The following GFPT1 variants were observed in gnomAD, a reference collection of about 807,000 sequenced individuals.
GFPT1 encodes the protein glutamine--fructose-6-phosphate aminotransferase [isomerizing] 1.
Under a neutral mutation model 92.0 loss-of-function variants are expected in GFPT1, and 40 were observed. The observed-to-expected ratio is 0.43, with a 90% CI of 0.34 to 0.57. GFPT1 has a LOEUF of 0.57. Among genes scored for constraint, GFPT1 ranks in the 20% least tolerant of loss-of-function variants. The pLI, the probability that GFPT1 is intolerant of heterozygous loss-of-function variation, is 0.02. For synonymous variants in GFPT1, 269 were observed against 280.6 expected (o/e 0.96, Z 0.41); for missense variants, 448 against 869.1 (o/e 0.52, Z 6.09).
rs886056239 is a variant in GFPT1, at chr2:69,322,610, A to G, written c.*3579T>C. 2 of 152,238 alleles carry G rather than the reference A, an allele frequency of 1.3e-5. No homozygotes were observed. Among genetic ancestry groups the G allele is most frequent in the East Asian group, 1.9e-4 (1 of 5,204 alleles). 9.4% of individuals were successfully genotyped at this position (152,238 alleles called of 1,614,324 possible). The stretch of plus-strand genomic sequence containing the variant: ...GATCTGTATTCAAAAAGATAAAACA[A>G]TCTCATCTCAGTAACTACCTCCTAT... On this transcript the variant is annotated 3_prime_UTR_variant, in exon 20 of 20. Transcript: ENST00000357308.
At chr2:69,369,542 A>T (rs909886810) in intron 3 of GFPT1, among the ~76,000 whole-genome samples, 4 of 152,244 alleles carry the variant, frequency 2.6e-5, no homozygotes, top group Non-Finnish European at 2.9e-5. Flanking sequence ...ACTGTGAGGG[A>T]AAACATGATA....
At chr2:69,384,653 C>T (rs1464635750) in intron 1 of GFPT1, among the ~76,000 whole-genome samples, 4 of 132,286 alleles carry the variant, frequency 3.0e-5, no homozygotes, top group South Asian at 2.3e-4. Context: ...AAGATCATGC[C>T]GCTGCACTCC....
intron 8 of GFPT1, 42 bp downstream of exon 8, chr2:69,354,447 T>C (rs1481036959): frequency 2.2e-6 from 3 of 1,340,142 alleles, no homozygotes; most frequent in East Asian, 4.6e-5. Context: ...AGGAAAATAA[T>C]TCTTCATATC....
chr2:69,341,325 G>A (rs1038536501), intron 13 of GFPT1, among the ~76,000 whole-genome samples: 1 of 152,068 alleles, frequency 6.6e-6, no homozygotes, highest in Non-Finnish European at 1.5e-5. Flanking sequence ...TATAATTTTG[G>A]GGGAGGAGGG....
At chr2:69,366,101 A>G (rs925152151) in intron 3 of GFPT1, among the ~76,000 whole-genome samples, 1 of 152,200 alleles carries the variant, frequency 6.6e-6, no homozygotes, top group Non-Finnish European at 1.5e-5. Context: ...GGCGTGAGCC[A>G]CCACGCCTGG....
intron 13 of GFPT1, among the ~76,000 whole-genome samples, chr2:69,339,641 C>T (rs933990424): frequency 1.3e-5 from 2 of 152,170 alleles, no homozygotes; most frequent in Non-Finnish European, 2.9e-5. Context: ...GTGGCCCTCC[C>T]CATCTCTCAC....
intron 7 of GFPT1, 74 bp from the exon 8 acceptor site, chr2:69,354,642 C>T (rs1396538877): frequency 2.4e-6 from 2 of 836,772 alleles, no homozygotes; most frequent in Admixed American, 1.8e-5. Flanking sequence ...ATTTAATGGG[C>T]CAATACTCTT....
At chr2:69,386,557 G>C (rs1343341736) in intron 1 of GFPT1, among the ~76,000 whole-genome samples, 3 of 152,318 alleles carry the variant, frequency 2.0e-5, no homozygotes, top group Admixed American at 6.5e-5. Context: ...GAAGTATCAC[G>C]TTTAATGGCA....
At chr2:69,345,824 G>A in intron 12 of GFPT1, 80 bp downstream of exon 12, 2 of 825,022 alleles carry the variant, frequency 2.4e-6, no homozygotes, top group South Asian at 2.7e-5. Context: ...GGCTATTAAG[G>A]GCAATGAACT....
chr2:69,321,562 C>T lies in GFPT1; in HGVS notation c.*4627G>A, dbSNP rs920605454. The T allele has an allele frequency of 1.3e-5, 2 of 152,216 alleles. No homozygotes were observed. The highest frequency in any genetic ancestry group is 4.8e-5 in the African/African-American group (2 of 41,464). The allele number at this position is 152,216 out of a possible 1,614,324, so 9.4% of individuals were successfully genotyped here. A position where few individuals can be genotyped will look rare whatever the true frequency, so the allele number is the denominator to read the frequency against. On this transcript the variant is annotated 3_prime_UTR_variant, in exon 20 of 20. Coordinates refer to ENST00000357308, the MANE Select transcript of GFPT1 (RefSeq NM_001244710.2). ...AATTTATTCACAGTTCAGGCTTACT[C>T]ACTGGACTTAACGACATGAGGAAGA...
intron 4 of GFPT1, among the ~76,000 whole-genome samples, chr2:69,361,393 A>C (rs1309622058): frequency 6.8e-6 from 1 of 146,196 alleles, no homozygotes; most frequent in African/African-American, 2.5e-5. Context: ...GGTTGCAGTG[A>C]GCGGAAAGCA....
intron 11 of GFPT1, among the ~76,000 whole-genome samples, chr2:69,346,968 G>C (rs981808667): frequency 6.6e-6 from 1 of 151,668 alleles, no homozygotes. Context: ...GGAGTGCAGC[G>C]GCACGATCTC....
At chr2:69,336,351 A>AAAAAAG (rs1013509477) in intron 15 of GFPT1, among the ~76,000 whole-genome samples, 5 of 150,710 alleles carry the variant, frequency 3.3e-5, no homozygotes, top group Admixed American at 6.6e-5. Context: ...AAAAAAAAAA[A>AAAAAAG]AAAAAGAAAA....
At chr2:69,368,958 C>A (rs758455252) in intron 3 of GFPT1, among the ~76,000 whole-genome samples, 41 of 152,090 alleles carry the variant, frequency 2.7e-4, no homozygotes, top group Admixed American at 3.3e-4. Flanking sequence ...CTTCACTGAC[C>A]AAATATAATC....
At chr2:69,336,297 C>A (rs1670795154) in intron 15 of GFPT1, among the ~76,000 whole-genome samples, 1 of 144,820 alleles carries the variant, frequency 6.9e-6, no homozygotes, top group Non-Finnish European at 1.5e-5. Context: ...TGAGATCACG[C>A]CACTGCACTC....
intron 1 of GFPT1, among the ~76,000 whole-genome samples, chr2:69,377,914 C>A (rs1470409131): frequency 1.3e-5 from 2 of 152,352 alleles, no homozygotes; most frequent in East Asian, 3.9e-4. Flanking sequence ...ACAAGGGAGG[C>A]ATTCACAACT....
intron 1 of GFPT1, among the ~76,000 whole-genome samples, chr2:69,380,723 G>C (rs769478489): frequency 8.5e-5 from 13 of 152,112 alleles, no homozygotes; most frequent in Admixed American, 2.6e-4. Flanking sequence ...TGGGTCCACT[G>C]TGCTCTGACT....
chr2:69,362,593 C>T (rs535685147), intron 4 of GFPT1, among the ~76,000 whole-genome samples: 43 of 151,928 alleles, frequency 2.8e-4, no homozygotes, highest in African/African-American at 9.4e-4. Flanking sequence ...GTCAGGAGAT[C>T]GAGACCATCC....
At chr2:69,364,248 T>C (rs1043869802) in intron 3 of GFPT1, among the ~76,000 whole-genome samples, 11 of 152,140 alleles carry the variant, frequency 7.2e-5, no homozygotes, top group African/African-American at 2.2e-4. Context: ...TAGGAGTTTA[T>C]GCAACTGAAA....
Sources: allele counts gnomAD v4.1 joint callset (sites outside exome capture counted in the v4.1 genomes callset), GRCh38; gene constraint gnomAD v4.1.1; transcripts MANE v1.5; gene names NCBI Gene and HGNC (gene_info 2026-07-23, HGNC 2026-07-21).